CHD6: variants seen among roughly 807,000 people sequenced by gnomAD.
CHD6 encodes the protein ATP-dependent chromatin remodeler CHD6.
A neutral mutation model predicts 276.9 loss-of-function variants in CHD6; 50 were observed. That is an observed-to-expected ratio of 0.18 (90% CI 0.14 to 0.23). The LOEUF is 0.23. Among genes scored for constraint, CHD6 ranks in the 10% least tolerant of loss-of-function variants. The pLI is 1.00. For missense variants in CHD6, 2,564 were observed against 3,365.8 expected, an observed-to-expected ratio of 0.76 and a Z score of 5.89; for synonymous variants, 1,173 against 1,229.3, an observed-to-expected ratio of 0.95 and a Z score of 0.96.
intron 2 of CHD6, among the ~76,000 whole-genome samples, chr20:41,539,066 A>C (rs1248794143): frequency 1.3e-5 from 2 of 152,168 alleles, no homozygotes; most frequent in Admixed American, 1.3e-4. Context: ...TAAACCCAGC[A>C]ATTAGAACTC....
intron 4 of CHD6, among the ~76,000 whole-genome samples, chr20:41,513,437 C>T (rs985403261): frequency 1.3e-5 from 2 of 152,182 alleles, no homozygotes; most frequent in Admixed American, 6.5e-5. Context: ...ATTCACCATC[C>T]TTACCACATA....
chr20:41,484,041 G>C (rs1374016340), intron 15 of CHD6, among the ~76,000 whole-genome samples: 1 of 152,140 alleles, frequency 6.6e-6, no homozygotes, highest in South Asian at 2.1e-4. Context: ...AGAAAGTGTG[G>C]GCCAGACTTT....
intron 16 of CHD6, among the ~76,000 whole-genome samples, chr20:41,474,934 ATT>A (rs924237506): frequency 4.8e-4 from 73 of 152,186 alleles, no homozygotes; most frequent in Non-Finnish European, 1.5e-4. Flanking sequence ...TAAGGGTACA[ATT>A]TTTTGTTTCC....
chr20:41,437,363 T>TA (rs761029226), intron 26 of CHD6, 29 bp from the exon 27 acceptor site: 20 of 1,538,570 alleles, frequency 1.3e-5, no homozygotes, highest in Non-Finnish European at 1.8e-5. Context: ...AGGCATCACA[T>TA]ACTACCTAGG....
Position 41,457,408 on chromosome 20 carries a change from G to C in CHD6, c.2685C>G (p.Arg895=). 1 of 1,613,244 alleles carries C rather than the reference G, an allele frequency of 6.2e-7. No individual in the cohort carries two copies. The highest frequency in any genetic ancestry group is 1.1e-5 in the South Asian group (1 of 91,044). ...CCTTCACAGCTTTGCTCTGGCCTAT[G>C]CGGTGACATCGGGCCTGAGCCTGGG... ...NDLQAQARCH[R]IGQSKAVKVY... Residue 895 remains arginine, a synonymous_variant, in exon 18 of 37, where the codon CGC becomes CGG. Coordinates refer to ENST00000373233, the MANE Select transcript of CHD6 (RefSeq NM_032221.5).
In CHD6 at chr20:41,455,845, G is replaced by A; in HGVS notation, c.2964C>T (p.His988=). ...TCCCCTCAGACTGGATGGTGATGGT[G>A]TGCGTTCGCCTCTGCAGAATCTGGT... ...DIDQILQRRT[H]TITIQSEGKG... The change falls in exon 19 of 37, where the codon CAC becomes CAT. Residue 988 remains histidine (H), a synonymous_variant. Transcript: ENST00000373233. 2 of 1,610,074 alleles carry A rather than the reference G, an allele frequency of 1.2e-6. No individual in the cohort carries two copies.
chr20:41,490,085 T>C (rs533119862), intron 11 of CHD6, 64 bp from the exon 12 acceptor site: 1 of 1,412,550 alleles, frequency 7.1e-7, no homozygotes, highest in East Asian at 2.3e-5. Flanking sequence ...AGGCTGGTTA[T>C]AACTTGAAAA....
chr20:41,493,820 A>G (rs1011777866), intron 9 of CHD6, 38 bp downstream of exon 9: 2 of 1,586,524 alleles, frequency 1.3e-6, no homozygotes, highest in African/African-American at 1.3e-5. Context: ...AAATACGTGG[A>G]AAGAAGGGAA....
intron 34 of CHD6, chr20:41,414,972 T>C (rs1403829215): frequency 3.1e-5 from 43 of 1,397,524 alleles, no homozygotes; most frequent in Non-Finnish European, 4.0e-5. Context: ...TCCTGGCTCA[T>C]TTCTCCAGGC....
chr20:41,452,842 T>G lies in CHD6; in HGVS notation c.3221A>C (p.Asp1074Ala). Residue 1074 changes from aspartate to alanine, a missense_variant, in exon 21 of 37, where the codon GAC becomes GCC. Coordinates refer to ENST00000373233, the MANE Select transcript of CHD6 (RefSeq NM_032221.5). The surrounding 1 kb of genome is among the most constrained non-coding windows in gnomAD (Gnocchi z 4.2). ...GGATCTCGTGGGCCTTTCGTCTGAG[T>G]CGCTGTCTAACTCTGAAAACTCCAT... is the stretch of plus-strand genomic sequence containing the variant. ...ELMEFSELDS[D>A]SDERPTRSRR... The G allele has an allele frequency of 6.2e-7, 1 of 1,613,038 alleles. No homozygotes were observed. Among genetic ancestry groups the G allele is most frequent in the Non-Finnish European group, 8.5e-7 (1 of 1,179,818 alleles).
chr20:41,490,148 A>G, intron 11 of CHD6, 127 bp from the exon 12 acceptor site: 2 of 808,620 alleles, frequency 2.5e-6, no homozygotes, highest in East Asian at 2.5e-5. Context: ...ATCATTTCAC[A>G]TATTAAACTG....
chr20:41,453,433 T>C (rs557971924), intron 20 of CHD6, among the ~76,000 whole-genome samples: 136 of 152,340 alleles, frequency 8.9e-4, no homozygotes, highest in Non-Finnish European at 1.4e-3. Flanking sequence ...CACTAACCTT[T>C]TGCCTTTCAC....
chr20:41,448,152 T>C (rs1390211448), intron 23 of CHD6, among the ~76,000 whole-genome samples, 181 bp from the exon 24 acceptor site: 3 of 152,082 alleles, frequency 2.0e-5, no homozygotes, highest in Non-Finnish European at 4.4e-5. Flanking sequence ...ATCATTCCTA[T>C]TTTACAAAAA....
intron 5 of CHD6, among the ~76,000 whole-genome samples, chr20:41,509,397 C>G (rs569734812): frequency 2.2e-4 from 33 of 152,096 alleles, no homozygotes; most frequent in African/African-American, 7.7e-4. Context: ...AAGAAGGAAA[C>G]AAAAAACTTG....
In CHD6 at chr20:41,465,251, G is replaced by T. The variant is rs74648826; in HGVS notation, c.2665-7823C>A. 2.9e-3 allele frequency among the ~76,000 whole-genome samples: 436 copies of T among 152,296 alleles called. 16 individuals carry two copies. In the East Asian group the frequency reaches 0.076, roughly 27 times the overall value. On this transcript the variant is annotated intron_variant, in intron 17 of 36. Coordinates refer to ENST00000373233, the MANE Select transcript of CHD6 (RefSeq NM_032221.5). ...ATAAATACAGTTATTTTATGGTGGA[G>T]AAACTTGGCAGATGGCACGTTAACC...
intron 1 of CHD6, among the ~76,000 whole-genome samples, chr20:41,609,288 CA>C (rs2045860918): frequency 6.6e-6 from 1 of 152,018 alleles, no homozygotes; most frequent in Non-Finnish European, 1.5e-5. Flanking sequence ...AAAACAAAAA[CA>C]AAAACAAAAT....
At chr20:41,459,369 C>A (rs1247394499) in intron 17 of CHD6, 2 of 152,368 alleles carry the variant, frequency 1.3e-5, no homozygotes, top group African/African-American at 4.8e-5. Flanking sequence ...GCACCTCCTG[C>A]CACTTGGCCC....
chr20:41,441,649 T>G (rs2047906171), intron 25 of CHD6, among the ~76,000 whole-genome samples: 1 of 152,220 alleles, frequency 6.6e-6, no homozygotes, highest in Non-Finnish European at 1.5e-5. Context: ...TCTTGTCATG[T>G]GTGGATCTGA....
At chr20:41,433,114 C>T (rs2047596953) in intron 27 of CHD6, among the ~76,000 whole-genome samples, 1 of 151,622 alleles carries the variant, frequency 6.6e-6, no homozygotes, top group South Asian at 2.1e-4. Context: ...CCTTAGAGAC[C>T]CACAGGTCTA....
Sources: allele counts gnomAD v4.1 joint callset (sites outside exome capture counted in the v4.1 genomes callset), GRCh38; gene constraint gnomAD v4.1.1; non-coding constraint Gnocchi (gnomAD v3.1); transcripts MANE v1.5; gene names NCBI Gene and HGNC (gene_info 2026-07-23, HGNC 2026-07-21).